The following PCDHGC4 variants were observed in gnomAD, a reference collection of about 807,000 sequenced individuals.
PCDHGC4 encodes protocadherin gamma-C4.
A neutral mutation model predicts 59.7 loss-of-function variants in PCDHGC4; 15 were observed. The ratio of observed to expected loss-of-function variants is 0.25; its 90% CI spans 0.17 to 0.39. The LOEUF (loss-of-function observed/expected upper bound fraction) is 0.39, where lower values mean the gene tolerates loss of function less well. PCDHGC4 is among the 10% of genes least tolerant of loss of function. The probability of loss-of-function intolerance (pLI) is 1.00; values close to 1 mark genes in which losing one functional copy is unlikely to be tolerated. For synonymous variants in PCDHGC4, 434 were observed against 481.4 expected, an observed-to-expected ratio of 0.90 and a Z score of 1.29; for missense variants, 1,016 against 1,189.5, an observed-to-expected ratio of 0.85 and a Z score of 2.15.
chr5:141,489,971 C>A lies in PCDHGC4; in HGVS notation c.2442+2356C>A, dbSNP rs1254025468. 1 of 1,614,060 alleles carries A rather than the reference C, an allele frequency of 6.2e-7. No homozygotes were observed. The highest frequency in any genetic ancestry group is 1.3e-5 in the African/African-American group (1 of 74,944). Reference sequence around the variant, plus strand: ...AATGATAATGCTCCAACCTTCCAATCCTCAGTTCTACGTGTGGGAATCCCA... The same window carrying A: ...AATGATAATGCTCCAACCTTCCAATACTCAGTTCTACGTGTGGGAATCCCA... On this transcript the variant is annotated intron_variant, in intron 1 of 3. Transcript: ENST00000306593. The surrounding 1 kb of genome is among the most constrained non-coding windows in gnomAD (Gnocchi z 4.5).
intron 2 of PCDHGC4, among the ~76,000 whole-genome samples, chr5:141,502,828 G>T (rs928458403): frequency 6.6e-6 from 1 of 150,704 alleles, no homozygotes; most frequent in Non-Finnish European, 1.5e-5. Context: ...CCTTGGGGAA[G>T]CCTGGACTGG....
chr5:141,485,033 T>C lies in PCDHGC4; in HGVS notation c.-141T>C. 1 of 689,352 alleles carries C rather than the reference T, an allele frequency of 1.5e-6. No homozygotes were observed. The highest frequency in any genetic ancestry group is 2.5e-6 in the Non-Finnish European group (1 of 392,590). The allele number at this position is 689,352 out of a possible 1,614,324, so 42.7% of individuals were successfully genotyped here. On this transcript the variant is annotated 5_prime_UTR_variant, in exon 1 of 4. Coordinates refer to ENST00000306593, the MANE Select transcript of PCDHGC4 (RefSeq NM_018928.3). This position sits in a 1 kb window ranked among gnomAD's most constrained non-coding sequence, Gnocchi z 5.7. ...CCCCGCCACCAGCAAAAACGGCGCG[T>C]AACCCTTGCGGCGCCGGCCGAACCG...
chr5:141,487,749 A>G lies in PCDHGC4; in HGVS notation c.2442+134A>G, dbSNP rs574710316. 3.9e-5 allele frequency: 60 copies of G among 1,557,180 alleles called. No homozygotes were observed. The African/African-American group carries it at 5.6e-4, about 14-fold the overall frequency. ...GTCACCATTTTTGTAAGAGGTAACT[A>G]TGTGGTAGACGCTGTGCTTTGTAAC... is the stretch of plus-strand genomic sequence containing the variant. On this transcript the variant is annotated intron_variant, in intron 1 of 3. Coordinates refer to ENST00000306593, the MANE Select transcript of PCDHGC4 (RefSeq NM_018928.3). The surrounding 1 kb of genome is among the most constrained non-coding windows in gnomAD (Gnocchi z 5.0).
At chr5:141,510,831 A>T (rs2154594660) in intron 3 of PCDHGC4, 116 bp from the exon 4 acceptor site, 1 of 1,577,022 alleles carries the variant, frequency 6.3e-7, no homozygotes, top group East Asian at 2.2e-5. Context: ...CCCAGTGCTC[A>T]GCGTGGTCAA....
At chr5:141,488,069 C>T (rs1197698273) in intron 1 of PCDHGC4, among the ~76,000 whole-genome samples, 1 of 152,072 alleles carries the variant, frequency 6.6e-6, no homozygotes, top group Non-Finnish European at 1.5e-5. Context: ...ATCTTTGTCT[C>T]CCAGTATCTA....
rs755936344 is a variant in PCDHGC4, at chr5:141,490,704, C to T, written c.2442+3089C>T. ...ATCCAGACACTGGGGATAATGCCCG[C>T]CTCACCTACTCCATTGTAGGAAATC... On this transcript the variant is annotated intron_variant, in intron 1 of 3. Transcript: ENST00000306593. The surrounding 1 kb of genome is among the most constrained non-coding windows in gnomAD (Gnocchi z 5.4). 6.2e-7 allele frequency: 1 copy of T among 1,614,166 alleles called. No homozygotes were observed.
At position 141,487,100 on chromosome 5, in the gene PCDHGC4, C is replaced by T. The variant is rs183291629; in HGVS notation, c.1927C>T (p.Leu643=). The change falls in exon 1 of 4, where the codon CTG becomes TTG. Residue 643 remains leucine, a synonymous_variant. Coordinates refer to ENST00000306593, the MANE Select transcript of PCDHGC4 (RefSeq NM_018928.3). The surrounding 1 kb of genome is among the most constrained non-coding windows in gnomAD (Gnocchi z 5.0). ...PIPADLPPQK[L]VIVVKDSGSP... ...CCCAGCTGACCTCCCACCACAGAAG[C>T]TGGTCATTGTGGTAAAGGATAGTGG... The T allele has an allele frequency of 5.6e-4, 909 of 1,614,074 alleles. 2 individuals carry two copies. Among genetic ancestry groups the T allele is most frequent in the Non-Finnish European group, 1.4e-4 (168 of 1,179,960 alleles).
chr5:141,490,605 C>A lies in PCDHGC4; in HGVS notation c.2442+2990C>A. On this transcript the variant is annotated intron_variant, in intron 1 of 3. Transcript: ENST00000306593. The surrounding 1 kb of genome is among the most constrained non-coding windows in gnomAD (Gnocchi z 5.4). ...TCAATGACAATGCACCCCGCTTCAA[C>A]CAGCAGCTTTACACTGCTTACATCC... 6.2e-6 allele frequency: 10 copies of A among 1,614,198 alleles called. No individual in the cohort carries two copies. The highest frequency in any genetic ancestry group is 8.5e-6 in the Non-Finnish European group (10 of 1,180,030).
At chr5:141,494,363 T>C (rs1264801258) in intron 1 of PCDHGC4, among the ~76,000 whole-genome samples, 1 of 152,206 alleles carries the variant, frequency 6.6e-6, no homozygotes, top group Non-Finnish European at 1.5e-5. Context: ...CTGCAGAGGA[T>C]GCTTTGTTCC....
At position 141,494,730 on chromosome 5, in the gene PCDHGC4, G is replaced by A. The variant is rs1595262506; in HGVS notation, c.2443-77G>A. 18 of 1,609,816 alleles carry A rather than the reference G, an allele frequency of 1.1e-5. No individual in the cohort carries two copies. In the East Asian group the frequency reaches 4.0e-4, roughly 36 times the overall value. On this transcript the variant is annotated intron_variant, in intron 1 of 3. Coordinates refer to ENST00000306593, the MANE Select transcript of PCDHGC4 (RefSeq NM_018928.3). ...GTGCCCACTCCCCTCCTTCTCTCCC[G>A]GCCCATCCCTAGGGGCTCGGGTGAC...
chr5:141,508,800 C>A (rs973992018), intron 3 of PCDHGC4, among the ~76,000 whole-genome samples: 1 of 152,086 alleles, frequency 6.6e-6, no homozygotes, highest in African/African-American at 2.4e-5. Context: ...CTCTGGAATC[C>A]TGGCTCTTTG....
In PCDHGC4 at chr5:141,487,192, C is replaced by T. The variant is rs2099641028; in HGVS notation, c.2019C>T (p.Val673=). The part of the protein sequence containing the change: ...VSLEEDTHPV[V]PDLRESSAPR... ...TAGAGGAAGACACTCATCCAGTTGT[C>T]CCAGATCTTCGAGAATCTTCAGCTC... Residue 673 remains valine, a synonymous_variant, in exon 1 of 4, where the codon GTC becomes GTT. Transcript: ENST00000306593. This position sits in a 1 kb window ranked among gnomAD's most constrained non-coding sequence, Gnocchi z 5.0. 15 of 1,613,748 alleles carry T rather than the reference C, an allele frequency of 9.3e-6. No individual in the cohort carries two copies. Among genetic ancestry groups the T allele is most frequent in the African/African-American group, 1.3e-5 (1 of 75,040 alleles).
intron 2 of PCDHGC4, 36 bp from the exon 3 acceptor site, chr5:141,505,357 T>A (rs1026098450): frequency 6.2e-7 from 1 of 1,613,762 alleles, no homozygotes; most frequent in African/African-American, 1.3e-5. Context: ...TGTGCCGGCC[T>A]GGGAGTCTGT....
intron 3 of PCDHGC4, among the ~76,000 whole-genome samples, chr5:141,510,244 G>A (rs549784078): frequency 6.6e-6 from 1 of 151,116 alleles, no homozygotes; most frequent in African/African-American, 2.4e-5. Flanking sequence ...CTGCACTCCA[G>A]GCTGGGCGAC....
Position 141,486,416 on chromosome 5 carries a change from C to G in PCDHGC4, c.1243C>G (p.Arg415Gly). The G allele has an allele frequency of 4.3e-6, 7 of 1,614,152 alleles. No homozygotes were observed. The highest frequency in any genetic ancestry group is 5.9e-6 in the Non-Finnish European group (7 of 1,180,016). The change falls in exon 1 of 4, where the codon CGA becomes GGA. Residue 415 changes from arginine (R) to glycine (G), a missense_variant. Coordinates refer to ENST00000306593, the MANE Select transcript of PCDHGC4 (RefSeq NM_018928.3). The surrounding 1 kb of genome is among the most constrained non-coding windows in gnomAD (Gnocchi z 5.0). Reference protein sequence around the residue: ...FSLVTAGPLDREAKSSYDIMV... With the variant: ...FSLVTAGPLDGEAKSSYDIMV... Reference sequence around the variant, plus strand: ...CCTGGTGACTGCTGGACCCTTGGATCGAGAGGCCAAATCTAGCTATGACAT... The same window carrying G: ...CCTGGTGACTGCTGGACCCTTGGATGGAGAGGCCAAATCTAGCTATGACAT...
chr5:141,504,941 T>G (rs2099842166), intron 2 of PCDHGC4, among the ~76,000 whole-genome samples: 1 of 152,046 alleles, frequency 6.6e-6, no homozygotes, highest in East Asian at 1.9e-4. Flanking sequence ...GGTGGGGGAA[T>G]GCACTATGTT....
At position 141,486,694 on chromosome 5, in the gene PCDHGC4, C is replaced by T. The variant is rs1275794121; in HGVS notation, c.1521C>T (p.Phe507=). ...ATCGAGATGTATCAGCTTCCTCTTTCATCTCTCTGAACCCCCAGACAGGAG... is the reference window on the plus strand; with the variant it reads ...ATCGAGATGTATCAGCTTCCTCTTTTATCTCTCTGAACCCCCAGACAGGAG... ...PRNRDVSASS[F]ISLNPQTGAV... is the part of the protein sequence containing the mutation. The change falls in exon 1 of 4, where the codon TTC becomes TTT. Residue 507 remains phenylalanine (F), a synonymous_variant. Transcript: ENST00000306593. This position sits in a 1 kb window ranked among gnomAD's most constrained non-coding sequence, Gnocchi z 5.0. 1.2e-6 allele frequency: 2 copies of T among 1,614,168 alleles called. No individual in the cohort carries two copies. Among genetic ancestry groups the T allele is most frequent in the Non-Finnish European group, 1.7e-6 (2 of 1,180,044 alleles).
intron 2 of PCDHGC4, 80 bp downstream of exon 2, chr5:141,494,945 C>G (rs2099757788): frequency 6.2e-7 from 1 of 1,608,958 alleles, no homozygotes; most frequent in Non-Finnish European, 8.5e-7. Flanking sequence ...GGGGGAGGGC[C>G]CAGCATTTGC....
At position 141,491,257 on chromosome 5, in the gene PCDHGC4, G is replaced by GAAAT. The variant is rs1562145331; in HGVS notation, c.2443-3549_2443-3546dup. On this transcript the variant is annotated intron_variant, in intron 1 of 3. Transcript: ENST00000306593. The surrounding 1 kb of genome is among the most constrained non-coding windows in gnomAD (Gnocchi z 6.9). ...GGTTCTGGAGGATGAGGACCCTGAG[G>GAAAT]AAATGCCCAAATCCAGTGACTTCCT... is the stretch of plus-strand genomic sequence containing the variant. 6.2e-7 allele frequency: 1 copy of GAAAT among 1,614,170 alleles called. No individual in the cohort carries two copies. Among genetic ancestry groups the GAAAT allele is most frequent in the East Asian group, 2.2e-5 (1 of 44,884 alleles).
Sources: allele counts gnomAD v4.1 joint callset (sites outside exome capture counted in the v4.1 genomes callset), GRCh38; gene constraint gnomAD v4.1.1; non-coding constraint Gnocchi (gnomAD v3.1); transcripts MANE v1.5; gene names NCBI Gene and HGNC (gene_info 2026-07-23, HGNC 2026-07-21).